LDLRAD3: variants seen among roughly 807,000 people sequenced by gnomAD.
The protein encoded by LDLRAD3 is low-density lipoprotein receptor class A domain-containing protein 3.
LDLRAD3 carries 20 observed loss-of-function variants against 29.4 expected under a neutral mutation model. The observed-to-expected ratio is 0.68, with a 90% CI of 0.48 to 0.99. The LOEUF (loss-of-function observed/expected upper bound fraction) is 0.99, where lower values mean the gene tolerates loss of function less well. Ranked by LOEUF, LDLRAD3 falls within the 50% of genes least tolerant of loss-of-function variation. The pLI is 0.00. For synonymous variants in LDLRAD3, 157 were observed against 192.7 expected (o/e 0.81, Z 1.53); for missense variants, 420 against 454.3 (o/e 0.92, Z 0.69).
chr11:35,992,509 G>T (rs1478553815), intron 1 of LDLRAD3, among the ~76,000 whole-genome samples: 1 of 152,134 alleles, frequency 6.6e-6, no homozygotes, highest in African/African-American at 2.4e-5. Context: ...ATATTATTCA[G>T]CCATACAAAG....
At chr11:35,990,238 C>T (rs1043444403) in intron 1 of LDLRAD3, among the ~76,000 whole-genome samples, 1 of 152,104 alleles carries the variant, frequency 6.6e-6, no homozygotes, top group Non-Finnish European at 1.5e-5. Context: ...TGGTTTAAAA[C>T]AGTGGACACT....
At chr11:36,024,288 A>G (rs1164449927) in intron 1 of LDLRAD3, among the ~76,000 whole-genome samples, 1 of 152,178 alleles carries the variant, frequency 6.6e-6, no homozygotes, top group Non-Finnish European at 1.5e-5. Flanking sequence ...TGTCTCTTGT[A>G]TGTCCACATT....
At chr11:36,037,358 G>A (rs997979400) in intron 2 of LDLRAD3, among the ~76,000 whole-genome samples, 8 of 151,902 alleles carry the variant, frequency 5.3e-5, no homozygotes, top group Admixed American at 4.6e-4. Context: ...TCTGTCACCC[G>A]GGGCTGGAGT....
chr11:36,149,154 T>G (rs1002464059), intron 4 of LDLRAD3, among the ~76,000 whole-genome samples: 1 of 152,160 alleles, frequency 6.6e-6, no homozygotes, highest in Non-Finnish European at 1.5e-5. Context: ...AAAGGGGAGC[T>G]TTGAACTCCA....
intron 4 of LDLRAD3, among the ~76,000 whole-genome samples, chr11:36,224,765 T>G (rs1297772106): frequency 6.6e-6 from 1 of 152,174 alleles, no homozygotes; most frequent in African/African-American, 2.4e-5. Context: ...TTGGGATCAT[T>G]TGGGGAATCA....
At chr11:35,961,930 T>C (rs12575203) in intron 1 of LDLRAD3, among the ~76,000 whole-genome samples, 57,140 of 151,818 alleles carry the variant, frequency 0.38, 10,938 homozygotes, top group East Asian at 0.6. Context: ...TTTTAAAATG[T>C]ACAATGAGGA....
intron 4 of LDLRAD3, among the ~76,000 whole-genome samples, chr11:36,204,644 C>T (rs1180111334): frequency 2.0e-5 from 3 of 152,124 alleles, no homozygotes; most frequent in East Asian, 3.9e-4. Flanking sequence ...CCCACCACCA[C>T]GCCCTGCTAA....
chr11:36,055,544 C>T (rs1378519771), intron 2 of LDLRAD3, among the ~76,000 whole-genome samples: 1 of 152,222 alleles, frequency 6.6e-6, no homozygotes, highest in Non-Finnish European at 1.5e-5. Flanking sequence ...ACTCCCACTG[C>T]TTAGCACAGC....
chr11:36,001,816 T>C (rs1851829266), intron 1 of LDLRAD3, among the ~76,000 whole-genome samples: 1 of 151,998 alleles, frequency 6.6e-6, no homozygotes, highest in African/African-American at 2.4e-5. Flanking sequence ...AACGTTCTTT[T>C]TAAATTTTAT....
In LDLRAD3 at chr11:36,212,015, C is replaced by T. The variant is rs117433036; in HGVS notation, c.455-15070C>T. Among the ~76,000 whole-genome samples, 173 of 152,294 alleles carry T rather than the reference C, an allele frequency of 1.1e-3. 1 individual carries two copies. The East Asian group carries it at 0.026, about 23-fold the overall frequency. On this transcript the variant is annotated intron_variant, in intron 4 of 5. Coordinates refer to ENST00000315571, the MANE Select transcript of LDLRAD3 (RefSeq NM_174902.4). ...AATGTCTGCTAAGCATTTAATTTTG[C>T]GGCTTCCACCAAACACTACAGGTAA...
intron 2 of LDLRAD3, among the ~76,000 whole-genome samples, chr11:36,058,833 T>C (rs978193529): frequency 1.3e-5 from 2 of 152,176 alleles, no homozygotes; most frequent in Non-Finnish European, 2.9e-5. Context: ...TTACAATGTA[T>C]AGGACAGTCA....
At chr11:35,980,666 G>A (rs11033357) in intron 1 of LDLRAD3, among the ~76,000 whole-genome samples, 2,354 of 152,226 alleles carry the variant, frequency 0.015, 63 homozygotes, top group African/African-American at 0.053. Flanking sequence ...CCCAGCTGAA[G>A]ACTTCTTTTA....
rs141000777 is a variant in LDLRAD3 at position 36,130,464 on chromosome 11, G to A, written c.454+32003G>A. Among the ~76,000 whole-genome samples the A allele has an allele frequency of 1.7e-3, 257 of 152,258 alleles. 1 individual carries two copies. Among genetic ancestry groups the A allele is most frequent in the African/African-American group, 5.7e-3 (235 of 41,562 alleles). The stretch of plus-strand genomic sequence containing the variant: ...ACAGCGTGAGGCCATCAAAAGGTTC[G>A]GAAGGAAGTTTGGAGGGCAGAAGGC... On this transcript the variant is annotated intron_variant, in intron 4 of 5. Coordinates refer to ENST00000315571, the MANE Select transcript of LDLRAD3 (RefSeq NM_174902.4).
chr11:36,125,607 G>T (rs1255798373), intron 4 of LDLRAD3, among the ~76,000 whole-genome samples: 1 of 152,200 alleles, frequency 6.6e-6, no homozygotes, highest in Non-Finnish European at 1.5e-5. Flanking sequence ...TGTAAGCTCA[G>T]TGTGAGACTG....
At chr11:36,081,524 G>C (rs1853113667) in intron 2 of LDLRAD3, 129 bp from the exon 3 acceptor site, 1 of 1,258,244 alleles carries the variant, frequency 7.9e-7, no homozygotes, top group Non-Finnish European at 1.1e-6. Flanking sequence ...GTGGTAATGA[G>C]AAGAAAGCTT....
At chr11:36,124,694 T>C (rs888641848) in intron 4 of LDLRAD3, among the ~76,000 whole-genome samples, 11 of 151,728 alleles carry the variant, frequency 7.2e-5, no homozygotes, top group South Asian at 2.1e-4. Context: ...TCCTTTCTTT[T>C]TTTTTTTTTT....
chr11:36,142,685 C>T (rs999149643), intron 4 of LDLRAD3, among the ~76,000 whole-genome samples: 2 of 152,152 alleles, frequency 1.3e-5, no homozygotes, highest in Admixed American at 6.5e-5. Context: ...GTGAGACTCA[C>T]ACTCATTGGA....
At chr11:36,054,137 C>T (rs1013259861) in intron 2 of LDLRAD3, among the ~76,000 whole-genome samples, 2 of 152,202 alleles carry the variant, frequency 1.3e-5, no homozygotes, top group African/African-American at 4.8e-5. Context: ...GTTTCCCCCC[C>T]ATTTTCTGCA....
chr11:36,080,427 T>A (rs1055177121), intron 2 of LDLRAD3, among the ~76,000 whole-genome samples: 1 of 152,214 alleles, frequency 6.6e-6, no homozygotes, highest in Non-Finnish European at 1.5e-5. Context: ...GAGTCTGCCT[T>A]CTGTTGTGAA....
Sources: allele counts gnomAD v4.1 joint callset (sites outside exome capture counted in the v4.1 genomes callset), GRCh38; gene constraint gnomAD v4.1.1; transcripts MANE v1.5; gene names NCBI Gene and HGNC (gene_info 2026-07-23, HGNC 2026-07-21).